Variants in SP110 observed in about 807,000 individuals in gnomAD.
SP110 encodes SP110 nuclear body protein.
Under a neutral mutation model 92.7 loss-of-function variants are expected in SP110, and 62 were observed. The observed-to-expected ratio is 0.67, with a 90% CI of 0.55 to 0.83. The LOEUF (loss-of-function observed/expected upper bound fraction) is 0.83. Among genes scored for constraint, SP110 ranks in the 40% least tolerant of loss-of-function variants. SP110 has a pLI of 0.00. For missense variants in SP110, 793 were observed against 863.9 expected (o/e 0.92, Z 1.03); for synonymous variants, 273 against 305.3 (o/e 0.89, Z 1.10).
At chr2:230,172,542 AGCCGT>A in intron 15 of SP110, 1 of 525,408 alleles carries the variant, frequency 1.9e-6, no homozygotes, top group East Asian at 3.3e-5. Context: ...ATGTGTGACA[AGCCGT>A]GCTTCCTGTC....
At chr2:230,181,410 G>A (rs2042122145) in intron 12 of SP110, among the ~76,000 whole-genome samples, 1 of 152,184 alleles carries the variant, frequency 6.6e-6, no homozygotes, top group Admixed American at 6.5e-5. Context: ...TGAACAGGCT[G>A]TGCACAGATC....
At chr2:230,204,948 T>G (rs1204723250) in intron 8 of SP110, among the ~76,000 whole-genome samples, 1 of 152,110 alleles carries the variant, frequency 6.6e-6, no homozygotes, top group Non-Finnish European at 1.5e-5. Flanking sequence ...TTCAGAGTGG[T>G]TGACTGGAGT....
chr2:230,197,996 A>G (rs571371791), intron 10 of SP110, among the ~76,000 whole-genome samples: 4 of 152,354 alleles, frequency 2.6e-5, no homozygotes, highest in South Asian at 2.1e-4. Context: ...GGAATATTGT[A>G]TCACACAAGA....
intron 8 of SP110, among the ~76,000 whole-genome samples, chr2:230,205,805 T>C (rs956795291): frequency 2.6e-5 from 4 of 152,216 alleles, no homozygotes. Flanking sequence ...ATGTGTTTCT[T>C]GAAGACAAAC....
chr2:230,205,311 AC>A (rs2043645881), intron 8 of SP110, among the ~76,000 whole-genome samples: 2 of 151,908 alleles, frequency 1.3e-5, no homozygotes, highest in Non-Finnish European at 1.5e-5. Flanking sequence ...ACTTCCTACC[AC>A]CTTCTTTCTT....
chr2:230,182,930 G>A (rs892573422), intron 12 of SP110, among the ~76,000 whole-genome samples: 14 of 152,134 alleles, frequency 9.2e-5, no homozygotes, highest in Non-Finnish European at 4.4e-5. Flanking sequence ...CCTTATTCTT[G>A]TAGACCTGCC....
intron 10 of SP110, among the ~76,000 whole-genome samples, chr2:230,195,222 G>A (rs1324789833): frequency 6.6e-6 from 1 of 152,080 alleles, no homozygotes; most frequent in Non-Finnish European, 1.5e-5. Context: ...GAGAAGGCAA[G>A]AAAACCATGT....
intron 10 of SP110, among the ~76,000 whole-genome samples, chr2:230,196,662 AGG>A (rs1434946452): frequency 6.6e-6 from 1 of 151,898 alleles, no homozygotes; most frequent in East Asian, 1.9e-4. Flanking sequence ...ATTTAGCATT[AGG>A]TATATCTCCT....
At chr2:230,171,565 C>T (rs965092555) in intron 17 of SP110, 131 bp downstream of exon 17, 58 of 759,942 alleles carry the variant, frequency 7.6e-5, no homozygotes, top group South Asian at 7.4e-4. Context: ...CCTGCTGCCC[C>T]GCTCCACTGC....
Position 230,170,635 on chromosome 2 carries a change from T to A in SP110, c.2014A>T (p.Lys672Ter), listed in dbSNP as rs201966308. 2.5e-6 allele frequency: 4 copies of A among 1,614,066 alleles called. No individual in the cohort carries two copies. The highest frequency in any genetic ancestry group is 3.4e-6 in the Non-Finnish European group (4 of 1,180,028). Residue 672 changes from lysine to a stop codon, truncating the protein, a stop_gained, in exon 18 of 19, where the codon AAA (lysine) becomes TAA (stop). Transcript: ENST00000258381. LOFTEE classifies it low-confidence loss of function (END_TRUNC). ...RDMRLMFRNH[K>*]TFYKASDFGQ... is the part of the protein sequence containing the mutation. ...ATGCTCTTTACCTTGTAAAATGTTT[T>A]ATGGTTGCGAAACATCAGGCGCATG...
Position 230,177,671 on chromosome 2 carries a change from A to C in SP110, c.1457T>G (p.Val486Gly). 6.2e-7 allele frequency: 1 copy of C among 1,614,098 alleles called. No homozygotes were observed. The highest frequency in any genetic ancestry group is 1.1e-5 in the South Asian group (1 of 91,080). ...YKKKMKHGSS[V>G]KCIRNEDGTW... The stretch of plus-strand genomic sequence containing the variant: ...TCCATCCTCATTCCGAATGCACTTC[A>C]CTGAGGATCCTGTAAGAAAAAGCCC... Residue 486 changes from valine to glycine, a missense_variant, in exon 14 of 19, where the codon GTG (valine) becomes GGG (glycine). Physicochemically the swap from Val to Gly is moderately radical, Grantham distance 109. Coordinates refer to ENST00000258381, the MANE Select transcript of SP110 (RefSeq NM_080424.4).
At chr2:230,197,145 G>T (rs1477707961) in intron 10 of SP110, among the ~76,000 whole-genome samples, 18 of 152,194 alleles carry the variant, frequency 1.2e-4, no homozygotes, top group African/African-American at 3.6e-4. Flanking sequence ...TTGAACTAGT[G>T]TACAGTCCCA....
intron 15 of SP110, 40 bp downstream of exon 15, chr2:230,172,804 T>C (rs1262152627): frequency 7.5e-7 from 1 of 1,331,658 alleles, no homozygotes; most frequent in Non-Finnish European, 1.1e-6. Flanking sequence ...CATCTGGAGG[T>C]GAGTGCTGTG....
intron 15 of SP110, 161 bp from the exon 16 acceptor site, chr2:230,172,335 C>T: frequency 1.5e-6 from 1 of 685,896 alleles, no homozygotes; most frequent in Non-Finnish European, 2.7e-6. Flanking sequence ...CCAGCATTGG[C>T]CCTTCCCTCG....
At chr2:230,225,165 AC>A (rs1466908146) in intron 1 of SP110, among the ~76,000 whole-genome samples, 1 of 151,992 alleles carries the variant, frequency 6.6e-6, no homozygotes, top group African/African-American at 2.4e-5. Flanking sequence ...TTTCCCAGTC[AC>A]CCCTGGCTGC....
At chr2:230,221,896 A>C (rs1021753189), upstream of SP110, 30 of 651,004 alleles carry the variant, frequency 4.6e-5, no homozygotes, top group Non-Finnish European at 7.3e-5. Flanking sequence ...AAAAAAAGAC[A>C]GCTGCGAATG....
intron 10 of SP110, among the ~76,000 whole-genome samples, chr2:230,196,689 C>T (rs1207175753): frequency 6.6e-6 from 1 of 151,712 alleles, no homozygotes; most frequent in African/African-American, 2.4e-5. Context: ...CTATCCCTCC[C>T]TCCTCCCCGC....
At chr2:230,174,550 A>G (rs1349599850) in intron 14 of SP110, among the ~76,000 whole-genome samples, 1 of 152,170 alleles carries the variant, frequency 6.6e-6, no homozygotes, top group East Asian at 1.9e-4. Context: ...TGATACAAAA[A>G]AAAACCAAAA....
rs1013662955 is a variant in SP110, at chr2:230,165,882, A to C, written c.*3242T>G. Among the ~76,000 whole-genome samples the C allele has an allele frequency of 6.9e-6, 1 of 144,670 alleles. No homozygotes were observed. The highest frequency in any genetic ancestry group is 1.5e-5 in the Non-Finnish European group (1 of 66,572). 94.9% of individuals were successfully genotyped at this position (144,670 alleles called of 152,430 possible). A position where few individuals can be genotyped will look rare whatever the true frequency, so the allele number is the denominator to read the frequency against. ...AATATTAAAATATGACAGAAATAAG[A>C]CCACCTATATAACTTTTTTTTTTTT... On this transcript the variant is annotated 3_prime_UTR_variant, in exon 19 of 19. Coordinates refer to ENST00000258381, the MANE Select transcript of SP110 (RefSeq NM_080424.4).
Sources: gnomAD v4.1 joint callset for allele counts (sites outside exome capture counted in the v4.1 genomes callset) on GRCh38, gnomAD v4.1.1 for gene constraint, MANE v1.5 for transcripts, NCBI Gene and HGNC (gene_info 2026-07-23, HGNC 2026-07-21) for gene names.